Variants in PMEL observed in about 807,000 individuals in gnomAD.
PMEL encodes the protein melanocyte protein PMEL.
In PMEL, 53 loss-of-function variants were observed where a neutral mutation model predicts 64.9. That is an observed-to-expected ratio of 0.82 (90% confidence interval 0.66 to 1.03). The LOEUF (loss-of-function observed/expected upper bound fraction) is 1.03, where lower values mean the gene tolerates loss of function less well. Among genes scored for constraint, PMEL ranks in the 50% least tolerant of loss-of-function variants. The probability of loss-of-function intolerance (pLI) is 0.00; values close to 1 mark genes in which losing one functional copy is unlikely to be tolerated. For synonymous variants in PMEL, 299 were observed against 316.2 expected (o/e 0.95, Z 0.58); for missense variants, 716 against 814.9 (o/e 0.88, Z 1.48).
At chr12:55,966,335 A>T (rs1232268688), upstream of PMEL, 1 of 328,878 alleles carries the variant, frequency 3.0e-6, no homozygotes, top group African/African-American at 2.1e-5. Context: ...TAAACCAGGA[A>T]CTTCTCAAAA....
intron 1 of PMEL, among the ~76,000 whole-genome samples, chr12:55,964,977 G>A (rs1889239285): frequency 6.7e-6 from 1 of 149,054 alleles, no homozygotes; most frequent in South Asian, 2.1e-4. Context: ...ACCCAGGCTG[G>A]AGTGCATTGG....
In PMEL at chr12:55,956,326, G is replaced by A. The variant is rs1374676030; in HGVS notation, c.1355-107C>T. 4 of 712,484 alleles carry A rather than the reference G, an allele frequency of 5.6e-6. No individual in the cohort carries two copies. The Admixed American group carries it at 6.6e-5, about 12-fold the overall frequency. 44.1% of individuals were successfully genotyped at this position (712,484 alleles called of 1,614,324 possible). A position where few individuals can be genotyped will look rare whatever the true frequency, so the allele number is the denominator to read the frequency against. ...GTTGAACCAGAGTTACTGGATTCTG[G>A]AGTCACAGGCTTGGAATCAGATAAG... On this transcript the variant is annotated intron_variant, in intron 6 of 10. Coordinates refer to ENST00000548747, the MANE Select transcript of PMEL (RefSeq NM_001384361.1).
chr12:55,957,263 C>A lies in PMEL; in HGVS notation c.1040G>T (p.Gly347Val), dbSNP rs758175649. ...PGQAPTAEPS[G>V]TTSVQVPTTE... ...GGTTGGCACCTGCACAGATGTGGTT[C>A]CAGAGGGCTCTGCAGTTGGCGCCTG... Residue 347 changes from glycine to valine, a missense_variant, in exon 6 of 11, where the codon GGA becomes GTA. By Grantham distance (109) the Gly-to-Val change is moderately radical. Transcript: ENST00000548747. 5 of 1,613,570 alleles carry A rather than the reference C, an allele frequency of 3.1e-6. No homozygotes were observed. In the South Asian group the frequency reaches 5.5e-5, roughly 18 times the overall value.
intron 1 of PMEL, among the ~76,000 whole-genome samples, chr12:55,964,499 T>G (rs960075993): frequency 2.6e-5 from 4 of 152,274 alleles, no homozygotes; most frequent in African/African-American, 9.6e-5. Context: ...AGAGACAAGG[T>G]CTCACTATGT....
intron 1 of PMEL, among the ~76,000 whole-genome samples, chr12:55,964,296 G>A (rs1295239345): frequency 2.6e-5 from 4 of 152,024 alleles, no homozygotes; most frequent in African/African-American, 7.2e-5. Context: ...GAGTGGCTGG[G>A]ATTACAGGCA....
chr12:55,959,626 A>G (rs990131523), intron 3 of PMEL, among the ~76,000 whole-genome samples: 5 of 151,840 alleles, frequency 3.3e-5, no homozygotes, highest in African/African-American at 9.7e-5. Context: ...CCAACATGGT[A>G]AAACCCTGTC....
At position 55,955,570 on chromosome 12, in the gene PMEL, C is replaced by A. The variant is rs141215743; in HGVS notation, c.1656G>T (p.Leu552=). The A allele has an allele frequency of 2.5e-6, 4 of 1,614,016 alleles. No individual in the cohort carries two copies. The African/African-American group carries it at 4.0e-5, about 16-fold the overall frequency. Residue 552 remains leucine (L), a synonymous_variant, in exon 9 of 11, where the codon CTG becomes CTT. Coordinates refer to ENST00000548747, the MANE Select transcript of PMEL (RefSeq NM_001384361.1). ...CACCCTTCAGTATCTGGTGCAGAAC[C>A]AGCTGGCAGGCTGGGCTGGGTAGCA... ...QPVLPSPACQ[L]VLHQILKGGS...
chr12:55,961,312 C>T lies in PMEL; in HGVS notation c.334+5G>A. 2.5e-6 allele frequency: 4 copies of T among 1,613,100 alleles called. No individual in the cohort carries two copies. The highest frequency in any genetic ancestry group is 3.4e-6 in the Non-Finnish European group (4 of 1,179,076). ...AATAAGGACCTAGAATAGAGAAGTACTCACCATTGATGATGGTATTGTTGA... is the reference window on the plus strand; with the variant it reads ...AATAAGGACCTAGAATAGAGAAGTATTCACCATTGATGATGGTATTGTTGA... On this transcript the variant is annotated splice_donor_5th_base_variant and intron_variant, in intron 3 of 10. Coordinates refer to ENST00000548747, the MANE Select transcript of PMEL (RefSeq NM_001384361.1).
In PMEL at chr12:55,961,678, C is replaced by T; in HGVS notation, c.131G>A (p.Trp44Ter). Residue 44 changes from tryptophan (W) to a stop codon, truncating the protein, a stop_gained, in exon 2 of 11, where the codon TGG becomes TAG. Transcript: ENST00000548747. LOFTEE classifies it high-confidence loss of function. ...GVSRQLRTKA[W>*]NRQLYPEWTE... The stretch of plus-strand genomic sequence containing the variant: ...CCACTCTGGATACAGCTGCCTGTTC[C>T]AGGCTTTGGTTCTGAGTTGCCTTGA... 4 of 1,614,086 alleles carry T rather than the reference C, an allele frequency of 2.5e-6. No individual in the cohort carries two copies. The highest frequency in any genetic ancestry group is 3.4e-6 in the Non-Finnish European group (4 of 1,180,028).
chr12:55,960,535 C>CTTTTTTTTTT (rs1889060584), intron 3 of PMEL, among the ~76,000 whole-genome samples: 1 of 122,930 alleles, frequency 8.1e-6, no homozygotes, highest in Admixed American at 7.9e-5. Context: ...TTTTTGCTTT[C>CTTTTTTTTTT]TGTTTTTTTT....
At position 55,955,447 on chromosome 12, in the gene PMEL, C is replaced by T. The variant is rs1274938033; in HGVS notation, c.1762+17G>A. 1 of 1,613,832 alleles carries T rather than the reference C, an allele frequency of 6.2e-7. No individual in the cohort carries two copies. Among genetic ancestry groups the T allele is most frequent in the Admixed American group, 1.7e-5 (1 of 60,022 alleles). ...ATCCACTCCCTTCCTCATCTTAGCT[C>T]TTGTCCAAGGACCTACCAGGCATGA... On this transcript the variant is annotated intron_variant, in intron 9 of 10. Coordinates refer to ENST00000548747, the MANE Select transcript of PMEL (RefSeq NM_001384361.1).
At chr12:55,956,775 C>T (rs1438916912) in intron 6 of PMEL, among the ~76,000 whole-genome samples, 174 bp downstream of exon 6, 1 of 152,170 alleles carries the variant, frequency 6.6e-6, no homozygotes, top group Non-Finnish European at 1.5e-5. Flanking sequence ...GAACTCCAGA[C>T]CTATTCCATG....
intron 1 of PMEL, among the ~76,000 whole-genome samples, chr12:55,963,171 A>T (rs918243906): frequency 1.3e-5 from 2 of 151,952 alleles, no homozygotes; most frequent in Admixed American, 6.6e-5. Context: ...AAAAAAAAAA[A>T]TTTACTTTTG....
At chr12:55,956,602 G>A (rs560749766) in intron 6 of PMEL, 3 of 317,418 alleles carry the variant, frequency 9.5e-6, no homozygotes, top group East Asian at 1.2e-4. Context: ...TCAGGATCTC[G>A]GAATCTGGGA....
chr12:55,958,218 G>A (rs1888971567), intron 4 of PMEL, 134 bp from the exon 5 acceptor site: 1 of 952,758 alleles, frequency 1.0e-6, no homozygotes, highest in African/African-American at 1.6e-5. Flanking sequence ...GGAAGGCTGT[G>A]ATATGGGGGG....
chr12:55,954,340 A>G lies in PMEL; in HGVS notation c.1860T>C (p.Leu620=), dbSNP rs1216769332. ...GGGGTACGGAGAAGTCTTGCTTCAT[A>G]AGTCTGCGCCTGATATTGGGAGAAG... ...VLASLIYRRR[L]MKQDFSVPQL... is the part of the protein sequence containing the mutation. Residue 620 remains leucine, a synonymous_variant, in exon 11 of 11, where the codon CTT becomes CTC. Coordinates refer to ENST00000548747, the MANE Select transcript of PMEL (RefSeq NM_001384361.1). 1 of 1,614,100 alleles carries G rather than the reference A, an allele frequency of 6.2e-7. No homozygotes were observed. Among genetic ancestry groups the G allele is most frequent in the Non-Finnish European group, 8.5e-7 (1 of 1,179,988 alleles).
intron 9 of PMEL, 42 bp from the exon 10 acceptor site, chr12:55,955,403 T>C (rs1461526793): frequency 3.1e-6 from 5 of 1,612,884 alleles, no homozygotes; most frequent in East Asian, 2.2e-5. Context: ...CAGTGTCTGC[T>C]GCTTGCCAGC....
intron 2 of PMEL, 59 bp from the exon 3 acceptor site, chr12:55,961,522 C>A: frequency 6.2e-7 from 1 of 1,604,190 alleles, no homozygotes. Flanking sequence ...GTATACGTTT[C>A]CCCTCCTTTT....
In PMEL at chr12:55,966,021, C is replaced by A. The variant is rs377244322; in HGVS notation, c.-10G>T. On this transcript the variant is annotated 5_prime_UTR_variant, in exon 1 of 11. Coordinates refer to ENST00000548747, the MANE Select transcript of PMEL (RefSeq NM_001384361.1). ...TTAGCACCAGATCCATTGTGTTCTT[C>A]CCTCCAGCAACCAAAGGCACTGGGG... 117 of 1,614,116 alleles carry A rather than the reference C, an allele frequency of 7.2e-5. No individual in the cohort carries two copies. Among genetic ancestry groups the A allele is most frequent in the Admixed American group, 1.8e-4 (11 of 60,002 alleles).
Sources: gnomAD v4.1 joint callset for allele counts (sites outside exome capture counted in the v4.1 genomes callset) on GRCh38, gnomAD v4.1.1 for gene constraint, MANE v1.5 for transcripts, NCBI Gene and HGNC (gene_info 2026-07-23, HGNC 2026-07-21) for gene names.